OR1F1: variants seen among roughly 807,000 people sequenced by gnomAD.
OR1F1 encodes olfactory receptor family 1 subfamily F member 1, also known as olfactory receptor 1F1.
For missense variants in OR1F1, 493 were observed against 376.3 expected (o/e 1.31, Z -2.57); for synonymous variants, 184 against 156.7 (o/e 1.17, Z -1.30).
At chr16:3,191,895 CCA>C in the OR1F1 span, among the ~76,000 whole-genome samples, 15 of 152,124 alleles carry the variant, frequency 9.9e-5, no homozygotes, top group Non-Finnish European at 2.2e-4. Context: ...GTCTGCAATC[CCA>C]GTCTCCTGTC....
chr16:3,203,162 G>A (rs1279958172), upstream of OR1F1, among the ~76,000 whole-genome samples: 6 of 152,242 alleles, frequency 3.9e-5, no homozygotes, highest in East Asian at 5.8e-4. Flanking sequence ...CGTCAGTGTC[G>A]GACACAAAAG....
the OR1F1 span, chr16:3,191,148 T>C: frequency 2.6e-5 from 4 of 152,220 alleles, no homozygotes; most frequent in Non-Finnish European, 5.9e-5. Flanking sequence ...AACTCTCCTG[T>C]TCCTGTAATT....
At chr16:3,200,250 G>C (rs1202206007), upstream of OR1F1, among the ~76,000 whole-genome samples, 4 of 152,070 alleles carry the variant, frequency 2.6e-5, no homozygotes, top group African/African-American at 9.7e-5. Flanking sequence ...GTGAATGCTT[G>C]TTCATAGGTT....
At chr16:3,205,257 G>A (rs556739860), downstream of OR1F1, 35 of 1,064,954 alleles carry the variant, frequency 3.3e-5, no homozygotes, top group Admixed American at 5.1e-4. Context: ...TGCAGTAGTT[G>A]TTTCATTAAA....
downstream of OR1F1, chr16:3,205,249 CAGT>C (rs1445719625): frequency 5.2e-6 from 6 of 1,160,678 alleles, no homozygotes; most frequent in Non-Finnish European, 7.4e-6. Context: ...GAGTTTAATG[CAGT>C]AGTTGTTTCA....
chr16:3,200,728 A>C (rs1958127340), upstream of OR1F1, among the ~76,000 whole-genome samples: 1 of 152,210 alleles, frequency 6.6e-6, no homozygotes, highest in East Asian at 1.9e-4. Context: ...GCTTTGCTTT[A>C]ATGACCTCAA....
chr16:3,193,446 C>A, the OR1F1 span, among the ~76,000 whole-genome samples: 1 of 152,226 alleles, frequency 6.6e-6, no homozygotes, highest in Non-Finnish European at 1.5e-5. Flanking sequence ...GAAGCCCATG[C>A]GGGCTGGAGG....
the OR1F1 span, among the ~76,000 whole-genome samples, chr16:3,194,202 G>A: frequency 2.0e-5 from 3 of 152,088 alleles, no homozygotes; most frequent in Non-Finnish European, 4.4e-5. Flanking sequence ...CACATCAAAG[G>A]GACAAGAAAA....
exon 1 of OR1F1, chr16:3,204,637 C>T (rs776977764): frequency 6.2e-6 from 10 of 1,614,214 alleles, no homozygotes; most frequent in Admixed American, 1.7e-5. Context: ...CCACCCCTTA[C>T]ATTACACAGC....
chr16:3,203,104 C>T (rs1958155030), upstream of OR1F1, among the ~76,000 whole-genome samples: 1 of 152,222 alleles, frequency 6.6e-6, no homozygotes, highest in Non-Finnish European at 1.5e-5. Flanking sequence ...GCATCACTTT[C>T]AGTGTTGCCA....
chr16:3,201,381 T>C (rs1958133398), upstream of OR1F1, among the ~76,000 whole-genome samples: 1 of 152,226 alleles, frequency 6.6e-6, no homozygotes, highest in African/African-American at 2.4e-5. Flanking sequence ...GTTTAGCTCC[T>C]GGGGGAACAA....
chr16:3,189,633 T>C, the OR1F1 span: 1 of 152,008 alleles, frequency 6.6e-6, no homozygotes. Flanking sequence ...GTAAATCGTG[T>C]GGCTCGTTGG....
At chr16:3,202,435 GAT>G (rs1958144933), upstream of OR1F1, among the ~76,000 whole-genome samples, 1 of 152,132 alleles carries the variant, frequency 6.6e-6, no homozygotes. Context: ...TCCCTAGGCT[GAT>G]ATGAGTTGGT....
At chr16:3,197,662 T>G in the OR1F1 span, among the ~76,000 whole-genome samples, 1 of 176 alleles carries the variant, frequency 5.7e-3, no homozygotes, top group Middle Eastern at 0.5. Flanking sequence ...ACTACAAGCT[T>G]AAATGGGCTG....
the OR1F1 span, among the ~76,000 whole-genome samples, chr16:3,198,865 G>T: frequency 7.2e-5 from 11 of 152,116 alleles, no homozygotes; most frequent in African/African-American, 2.7e-4. Context: ...GCTGTGATGG[G>T]AGGATCGCTT....
chr16:3,190,519 G>C, the OR1F1 span, among the ~76,000 whole-genome samples: 14 of 152,208 alleles, frequency 9.2e-5, no homozygotes, highest in Non-Finnish European at 1.2e-4. Flanking sequence ...GGGAGGCTGA[G>C]GCAGGTTAAT....
chr16:3,192,212 A>G, the OR1F1 span, among the ~76,000 whole-genome samples: 116 of 152,210 alleles, frequency 7.6e-4, no homozygotes, highest in African/African-American at 2.8e-3. Context: ...GCCCGCCACC[A>G]CGCCCGATTA....
chr16:3,203,597 C>G (rs1354182108), upstream of OR1F1, among the ~76,000 whole-genome samples: 5 of 152,286 alleles, frequency 3.3e-5, no homozygotes, highest in South Asian at 6.2e-4. Flanking sequence ...AACCCCGTCT[C>G]TACTAAAAAT....
exon 1 of OR1F1, chr16:3,204,981 G>A: frequency 6.2e-7 from 1 of 1,614,122 alleles, no homozygotes; most frequent in South Asian, 1.1e-5. Context: ...GTTCTCACCT[G>A]GCTGTGGTTC....
Sources: gnomAD v4.1 joint callset for allele counts (sites outside exome capture counted in the v4.1 genomes callset) on GRCh38, gnomAD v4.1.1 for gene constraint, MANE v1.5 for transcripts, NCBI Gene and HGNC (gene_info 2026-07-23, HGNC 2026-07-21) for gene names.